GPD2: variants seen among roughly 807,000 people sequenced by gnomAD.
The protein encoded by GPD2 is glycerol-3-phosphate dehydrogenase, mitochondrial.
In GPD2, 54 loss-of-function variants were observed where a neutral mutation model predicts 82.4. The observed-to-expected ratio is 0.66, with a 90% confidence interval of 0.53 to 0.82. GPD2 has a LOEUF of 0.82. Among genes scored for constraint, GPD2 ranks in the 40% least tolerant of loss-of-function variants. The pLI is 0.00. For synonymous variants in GPD2, 288 were observed against 306.1 expected (o/e 0.94, Z 0.62); for missense variants, 748 against 896.2 (o/e 0.83, Z 2.11).
At chr2:156,495,655 A>G (rs930913232) in intron 2 of GPD2, 9 of 443,692 alleles carry the variant, frequency 2.0e-5, no homozygotes, top group Non-Finnish European at 3.2e-5. Flanking sequence ...CTCCTTCACC[A>G]CTTTAATATG....
At chr2:156,534,915 G>A (rs190851964) in intron 6 of GPD2, among the ~76,000 whole-genome samples, 2 of 152,290 alleles carry the variant, frequency 1.3e-5, no homozygotes, top group Admixed American at 6.5e-5. Context: ...GGGTATGTGT[G>A]TGAGAGAATC....
Position 156,584,953 on chromosome 2 carries a change from A to T in GPD2, c.*2035A>T, listed in dbSNP as rs972140400. On this transcript the variant is annotated 3_prime_UTR_variant, in exon 17 of 17. Transcript: ENST00000438166. Reference sequence around the variant, plus strand: ...GATTCTGTTACAGTAGGGCCCGGGCAGATCTGTGTTTGTTAAACAGGCCTT... The same window carrying T: ...GATTCTGTTACAGTAGGGCCCGGGCTGATCTGTGTTTGTTAAACAGGCCTT... The T allele has an allele frequency of 2.6e-5, 4 of 151,970 alleles. No individual in the cohort carries two copies. Among genetic ancestry groups the T allele is most frequent in the African/African-American group, 9.7e-5 (4 of 41,416 alleles). 9.4% of individuals were successfully genotyped at this position (151,970 alleles called of 1,614,324 possible). A position where few individuals can be genotyped will look rare whatever the true frequency, so the allele number is the denominator to read the frequency against.
intron 3 of GPD2, among the ~76,000 whole-genome samples, chr2:156,509,337 G>A (rs1684899525): frequency 6.6e-6 from 1 of 150,906 alleles, no homozygotes; most frequent in African/African-American, 2.4e-5. Flanking sequence ...TATTTAAACT[G>A]TTAAAAGTTA....
At chr2:156,528,568 C>T (rs978426547) in intron 6 of GPD2, among the ~76,000 whole-genome samples, 9 of 147,522 alleles carry the variant, frequency 6.1e-5, no homozygotes, top group Admixed American at 2.0e-4. Context: ...AGGTATATCT[C>T]CCAATGCTAT....
chr2:156,559,954 T>C (rs1687108777), intron 9 of GPD2, among the ~76,000 whole-genome samples: 1 of 152,242 alleles, frequency 6.6e-6, no homozygotes, highest in Non-Finnish European at 1.5e-5. Flanking sequence ...GAATCTTCCT[T>C]CATTTGTAAT....
Position 156,549,717 on chromosome 2 carries a change from C to A in GPD2, c.771C>A (p.Asp257Glu), listed in dbSNP as rs1310414817. ...MEVVSLLKKT[D>E]PQTGKVRVSG... Reference sequence around the variant, plus strand: ...TAGTGAGCTTGCTCAAGAAGACAGACCCCCAGACAGGGAAAGTGCGTGTGA... The same window carrying A: ...TAGTGAGCTTGCTCAAGAAGACAGAACCCCAGACAGGGAAAGTGCGTGTGA... The change falls in exon 7 of 17, where the codon GAC (aspartate) becomes GAA (glutamate). Residue 257 changes from aspartate to glutamate, a missense_variant. Asp to Glu is a conservative substitution (Grantham distance 45). Coordinates refer to ENST00000438166, the MANE Select transcript of GPD2 (RefSeq NM_000408.5). The A allele has an allele frequency of 1.2e-6, 2 of 1,613,908 alleles. No homozygotes were observed. Among genetic ancestry groups the A allele is most frequent in the Admixed American group, 1.7e-5 (1 of 60,026 alleles).
chr2:156,543,344 G>T (rs186964948), intron 6 of GPD2, among the ~76,000 whole-genome samples: 1 of 152,284 alleles, frequency 6.6e-6, no homozygotes, highest in African/African-American at 2.4e-5. Flanking sequence ...CTGCTAGGTA[G>T]CAAAGGCTTT....
At chr2:156,486,668 T>C (rs944953442) in intron 2 of GPD2, among the ~76,000 whole-genome samples, 1 of 152,238 alleles carries the variant, frequency 6.6e-6, no homozygotes, top group African/African-American at 2.4e-5. Context: ...ATGATTTAAA[T>C]AGAAGTTAGG....
chr2:156,470,113 G>A (rs1683278610), intron 1 of GPD2, among the ~76,000 whole-genome samples: 9 of 152,144 alleles, frequency 5.9e-5, no homozygotes. Context: ...AGTTCCTCTG[G>A]TTCACACGCC....
At chr2:156,489,939 C>T (rs1285965529) in intron 2 of GPD2, among the ~76,000 whole-genome samples, 1 of 146,928 alleles carries the variant, frequency 6.8e-6, no homozygotes, top group East Asian at 2.2e-4. Flanking sequence ...CTCCTTTCTT[C>T]CCTCCCACTA....
chr2:156,550,838 G>A, intron 8 of GPD2, 92 bp downstream of exon 8: 2 of 1,001,664 alleles, frequency 2.0e-6, no homozygotes, highest in South Asian at 2.7e-5. Flanking sequence ...AGCAATAGAT[G>A]GTCTAACTTG....
upstream of GPD2, among the ~76,000 whole-genome samples, chr2:156,434,846 CTG>C (rs1688378728): frequency 6.6e-6 from 1 of 152,202 alleles, no homozygotes; most frequent in South Asian, 2.1e-4. Context: ...AATCAGGTCA[CTG>C]GAGTACAGTT....
At chr2:156,509,765 C>CTTCTT (rs778681179) in intron 3 of GPD2, among the ~76,000 whole-genome samples, 2 of 117,382 alleles carry the variant, frequency 1.7e-5, no homozygotes, top group East Asian at 2.6e-4. Flanking sequence ...ATATGTTCTT[C>CTTCTT]TTTTTTTTTT....
chr2:156,516,639 C>T (rs140290634), intron 6 of GPD2, among the ~76,000 whole-genome samples: 7 of 152,274 alleles, frequency 4.6e-5, no homozygotes, highest in African/African-American at 1.4e-4. Context: ...GAGACAAGGT[C>T]TCCCTGTATT....
chr2:156,430,126 A>G, the GPD2 span, among the ~76,000 whole-genome samples: 1 of 152,344 alleles, frequency 6.6e-6, no homozygotes, highest in East Asian at 1.9e-4. Flanking sequence ...ATGTGAACAT[A>G]CAAAGCTCAG....
At chr2:156,452,205 C>CTGGGAGG (rs1682629688) in intron 1 of GPD2, among the ~76,000 whole-genome samples, 1 of 152,218 alleles carries the variant, frequency 6.6e-6, no homozygotes, top group South Asian at 2.1e-4. Flanking sequence ...AGGCAGGCGG[C>CTGGGAGG]TGGGAGGTGG....
intron 3 of GPD2, among the ~76,000 whole-genome samples, chr2:156,499,525 C>T (rs1684510174): frequency 6.6e-6 from 1 of 152,102 alleles, no homozygotes; most frequent in African/African-American, 2.4e-5. Context: ...ATAAGGCAAT[C>T]ACTAAGTGAC....
intron 6 of GPD2, among the ~76,000 whole-genome samples, chr2:156,532,123 G>A (rs1437917330): frequency 4.6e-5 from 7 of 151,960 alleles, no homozygotes; most frequent in Admixed American, 2.6e-4. Context: ...CTCAGCCTCC[G>A]ACTAGCTAAG....
At chr2:156,447,763 C>T (rs894301160) in intron 1 of GPD2, among the ~76,000 whole-genome samples, 4 of 152,246 alleles carry the variant, frequency 2.6e-5, no homozygotes, top group Non-Finnish European at 5.9e-5. Flanking sequence ...GTGACATCTT[C>T]TCTTGGATTA....
Sources: allele counts gnomAD v4.1 joint callset (sites outside exome capture counted in the v4.1 genomes callset), GRCh38; gene constraint gnomAD v4.1.1; transcripts MANE v1.5; gene names NCBI Gene and HGNC (gene_info 2026-07-23, HGNC 2026-07-21).